Variants in PTPRQ observed in about 807,000 individuals in gnomAD.
The protein encoded by PTPRQ is protein tyrosine phosphatase receptor type Q, also known as phosphatidylinositol phosphatase PTPRQ.
In PTPRQ, 199 loss-of-function variants were observed where a neutral mutation model predicts 246.0. The ratio of observed to expected loss-of-function variants is 0.81; its 90% CI spans 0.72 to 0.91. The LOEUF (loss-of-function observed/expected upper bound fraction) is 0.91. Among genes scored for constraint, PTPRQ ranks in the 40% least tolerant of loss-of-function variants. PTPRQ has a pLI of 0.00. For synonymous variants in PTPRQ, 869 were observed against 853.2 expected (o/e 1.02, Z -0.32); for missense variants, 2,624 against 2,528.4 (o/e 1.04, Z -0.81).
chr12:80,462,015 G>C (rs1357386926), intron 6 of PTPRQ: 4 of 699,996 alleles, frequency 5.7e-6, no homozygotes, highest in Non-Finnish European at 1.0e-5. Flanking sequence ...AGTGGATGCA[G>C]GTCAGTGCGT....
At chr12:80,470,296 G>C (rs1475326585) in intron 7 of PTPRQ, among the ~76,000 whole-genome samples, 1 of 152,110 alleles carries the variant, frequency 6.6e-6, no homozygotes, top group Non-Finnish European at 1.5e-5. Context: ...TGTTCTTATA[G>C]GTTGTAAGGC....
At chr12:80,568,074 A>C (rs997704383) in intron 25 of PTPRQ, among the ~76,000 whole-genome samples, 4 of 152,210 alleles carry the variant, frequency 2.6e-5, no homozygotes, top group Non-Finnish European at 5.9e-5. Flanking sequence ...GGACTAAAAA[A>C]TGATTATAGA....
In PTPRQ at chr12:80,613,592, C is replaced by T; in HGVS notation, c.4919C>T (p.Ala1640Val). ...AEMIVTTLES[A>V]PKDPPNNMTF... ...TTAATTGTTAAATATTTTATTTTAGCCCCAAAGGACCCACCTAACAACATG... is the reference window on the plus strand; with the variant it reads ...TTAATTGTTAAATATTTTATTTTAGTCCCAAAGGACCCACCTAACAACATG... The change falls in exon 29 of 45, where the codon GCC becomes GTC. Residue 1640 changes from alanine to valine, a missense_variant and splice_region_variant. Coordinates refer to ENST00000644991, the MANE Select transcript of PTPRQ (RefSeq NM_001145026.2). 2.0e-6 allele frequency: 3 copies of T among 1,507,376 alleles called. No homozygotes were observed. Among genetic ancestry groups the T allele is most frequent in the Non-Finnish European group, 2.7e-6 (3 of 1,128,246 alleles). 93.4% of individuals were successfully genotyped at this position (1,507,376 alleles called of 1,614,324 possible).
In PTPRQ at chr12:80,471,474, A is replaced by ATTTTTTTTTTTTTTTTTTTTTTTT. The variant is rs1176393485; in HGVS notation, c.1040-614_1040-613insTTTTTTTTTTTTTTTTTTTTTTTT. On this transcript the variant is annotated intron_variant, in intron 7 of 44. Coordinates refer to ENST00000644991, the MANE Select transcript of PTPRQ (RefSeq NM_001145026.2). ...ATAGAAGATAATGAAATTATTTAGCATTTTTTTTTTTTTTTTTATTTGAGA... is the reference window on the plus strand; with the variant it reads ...ATAGAAGATAATGAAATTATTTAGCATTTTTTTTTTTTTTTTTTTTTTTTTTTTTTTTTTTTTTTTTATTTGAGA... Among the ~76,000 whole-genome samples the ATTTTTTTTTTTTTTTTTTTTTTTT allele has an allele frequency of 2.7e-5, 2 of 73,198 alleles. 1 individual carries two copies. The highest frequency in any genetic ancestry group is 4.8e-5 in the Non-Finnish European group (2 of 41,584). The allele number at this position is 73,198 out of a possible 152,430, so 48.0% of individuals were successfully genotyped here.
intron 6 of PTPRQ, among the ~76,000 whole-genome samples, chr12:80,466,649 C>G (rs993423232): frequency 4.0e-4 from 61 of 151,956 alleles, no homozygotes; most frequent in African/African-American, 1.5e-3. Flanking sequence ...GTACTGGTAC[C>G]AAAACAGAGA....
chr12:80,544,670 T>C (rs1330361141), intron 23 of PTPRQ, among the ~76,000 whole-genome samples: 1 of 152,142 alleles, frequency 6.6e-6, no homozygotes, highest in African/African-American at 2.4e-5. Flanking sequence ...TCTTGGCATC[T>C]AGTTACTATA....
Position 80,542,718 on chromosome 12 carries a change from G to T in PTPRQ, c.3722-12G>T. The T allele has an allele frequency of 6.6e-7, 1 of 1,526,232 alleles. No individual in the cohort carries two copies. The allele number at this position is 1,526,232 out of a possible 1,614,324, so 94.5% of individuals were successfully genotyped here. On this transcript the variant is annotated splice_polypyrimidine_tract_variant and intron_variant, in intron 22 of 44. Transcript: ENST00000644991. Reference sequence around the variant, plus strand: ...TTTATGAATGTAAGTTTCTTCATGTGTTTTCCTACAGTGCCGTTAGCACCT... The same window carrying T: ...TTTATGAATGTAAGTTTCTTCATGTTTTTTCCTACAGTGCCGTTAGCACCT...
At chr12:80,568,166 T>C (rs1592664685) in intron 25 of PTPRQ, among the ~76,000 whole-genome samples, 1 of 152,188 alleles carries the variant, frequency 6.6e-6, no homozygotes, top group African/African-American at 2.4e-5. Context: ...TTTGTTACAA[T>C]ATTCAAAACT....
chr12:80,478,229 C>G (rs1315675168), intron 8 of PTPRQ, among the ~76,000 whole-genome samples: 4 of 150,440 alleles, frequency 2.7e-5, no homozygotes, highest in African/African-American at 7.5e-5. Flanking sequence ...ACCCCTGACC[C>G]CCGAGCAGCC....
At chr12:80,531,711 T>G (rs1895849710) in intron 17 of PTPRQ, among the ~76,000 whole-genome samples, 1 of 152,224 alleles carries the variant, frequency 6.6e-6, no homozygotes, top group South Asian at 2.1e-4. Flanking sequence ...TGAATTGTTT[T>G]AATTAATATT....
intron 5 of PTPRQ, among the ~76,000 whole-genome samples, chr12:80,460,377 C>A (rs753488711): frequency 2.0e-5 from 3 of 152,118 alleles, no homozygotes; most frequent in South Asian, 4.1e-4. Flanking sequence ...CTTAAAAATT[C>A]TTACAGATGA....
At position 80,588,376 on chromosome 12, in the gene PTPRQ, A is replaced by ATTC. The variant is rs1251831809; in HGVS notation, c.4534_4536dup (p.Phe1512dup). On this transcript the variant is annotated inframe_insertion, in exon 26 of 45. Transcript: ENST00000644991. The stretch of plus-strand genomic sequence containing the variant: ...GATTAAAGAAATTTAGATGGTATAG[A>ATTC]TTCCAAGTGGCTGCCAGCACCAATG... 80 of 1,536,356 alleles carry ATTC rather than the reference A, an allele frequency of 5.2e-5. No individual in the cohort carries two copies. The highest frequency in any genetic ancestry group is 1.2e-5 in the Non-Finnish European group (14 of 1,138,648).
intron 26 of PTPRQ, among the ~76,000 whole-genome samples, chr12:80,600,505 A>T (rs1898106552): frequency 6.6e-6 from 1 of 151,796 alleles, no homozygotes; most frequent in Non-Finnish European, 1.5e-5. Flanking sequence ...ATTTTTCCAG[A>T]TACAAGCTAC....
In PTPRQ at chr12:80,588,120, A is replaced by G. The variant is rs902909744; in HGVS notation, c.4286-9A>G. 4 of 1,502,146 alleles carry G rather than the reference A, an allele frequency of 2.7e-6. No individual in the cohort carries two copies. The African/African-American group carries it at 4.2e-5, about 16-fold the overall frequency. The allele number at this position is 1,502,146 out of a possible 1,614,324, so 93.1% of individuals were successfully genotyped here. A position where few individuals can be genotyped will look rare whatever the true frequency, so the allele number is the denominator to read the frequency against. ...GTAACTGCTTTTAATTTTTCCCTTT[A>G]ATTTTTAGTTCCCAGTGTTCCCACA... On this transcript the variant is annotated splice_polypyrimidine_tract_variant and intron_variant, in intron 25 of 44. Coordinates refer to ENST00000644991, the MANE Select transcript of PTPRQ (RefSeq NM_001145026.2).
At chr12:80,560,578 C>T (rs931394984) in intron 25 of PTPRQ, among the ~76,000 whole-genome samples, 1 of 152,092 alleles carries the variant, frequency 6.6e-6, no homozygotes, top group Non-Finnish European at 1.5e-5. Context: ...AGTTCTTGCA[C>T]AGAAATTCAC....
intron 27 of PTPRQ, among the ~76,000 whole-genome samples, chr12:80,606,378 TA>T (rs1418706396): frequency 7.9e-5 from 12 of 151,102 alleles, no homozygotes; most frequent in Admixed American, 2.0e-4. Flanking sequence ...AACACTTAAA[TA>T]AGAGGCCATT....
chr12:80,620,978 A>T (rs1178389072), intron 32 of PTPRQ, among the ~76,000 whole-genome samples: 1 of 151,824 alleles, frequency 6.6e-6, no homozygotes, highest in African/African-American at 2.4e-5. Flanking sequence ...TGAATTGATT[A>T]TGTTATTTTT....
rs7979591 is a variant in PTPRQ at position 80,477,838 on chromosome 12, G to A, written c.1186+5587G>A. On this transcript the variant is annotated intron_variant, in intron 8 of 44. Coordinates refer to ENST00000644991, the MANE Select transcript of PTPRQ (RefSeq NM_001145026.2). ...TTTTCTGACGGGCTTAAAAAACGGC[G>A]CACCACGAGATTATATCCCACACCT... is the stretch of plus-strand genomic sequence containing the variant. Among the ~76,000 whole-genome samples, 27 of 152,276 alleles carry A rather than the reference G, an allele frequency of 1.8e-4. No individual in the cohort carries two copies. In the East Asian group the frequency reaches 4.6e-3, roughly 26 times the overall value.
At chr12:80,603,950 T>C (rs1898225732) in intron 26 of PTPRQ, among the ~76,000 whole-genome samples, 1 of 151,698 alleles carries the variant, frequency 6.6e-6, no homozygotes, top group East Asian at 1.9e-4. Context: ...TAGCCACTTT[T>C]ACATACTTTG....
Sources: gnomAD v4.1 joint callset for allele counts (sites outside exome capture counted in the v4.1 genomes callset) on GRCh38, gnomAD v4.1.1 for gene constraint, MANE v1.5 for transcripts, NCBI Gene and HGNC (gene_info 2026-07-23, HGNC 2026-07-21) for gene names.